Variants in SEC61B observed in about 807,000 individuals in gnomAD.
SEC61B encodes the protein protein transport protein Sec61 subunit beta.
A neutral mutation model predicts 12.6 loss-of-function variants in SEC61B; 7 were observed. The observed-to-expected ratio is 0.55, with a 90% confidence interval of 0.32 to 1.04. The LOEUF (loss-of-function observed/expected upper bound fraction) is 1.04. Among genes scored for constraint, SEC61B ranks in the 50% least tolerant of loss-of-function variants. The pLI, the probability that SEC61B is intolerant of heterozygous loss-of-function variation, is 0.05. For missense variants in SEC61B, 107 were observed against 130.1 expected, an observed-to-expected ratio of 0.82 and a Z score of 0.86; for synonymous variants, 54 against 50.1, an observed-to-expected ratio of 1.08 and a Z score of -0.33.
chr9:99,228,057 C>A, intron 3 of SEC61B, 57 bp downstream of exon 3: 1 of 1,326,330 alleles, frequency 7.5e-7, no homozygotes, highest in Non-Finnish European at 1.1e-6. Flanking sequence ...GCAGCAGTGG[C>A]AGCACTCTGT....
intron 2 of SEC61B, among the ~76,000 whole-genome samples, chr9:99,227,048 A>G (rs1359664481): frequency 2.0e-5 from 3 of 152,138 alleles, no homozygotes; most frequent in Non-Finnish European, 2.9e-5. Flanking sequence ...CAGGCAGATC[A>G]TGAGGTCAGG....
At chr9:99,226,842 G>A (rs745944769) in intron 2 of SEC61B, among the ~76,000 whole-genome samples, 4 of 152,164 alleles carry the variant, frequency 2.6e-5, no homozygotes, top group Non-Finnish European at 4.4e-5. Context: ...CCAGGGCTGC[G>A]TGTATTACAT....
chr9:99,226,987 GCCAGGTGCGGTGGCTTGCA>G lies in SEC61B; in HGVS notation c.102-909_102-891del, dbSNP rs1164704417. Among the ~76,000 whole-genome samples the G allele has an allele frequency of 2.0e-5, 3 of 152,072 alleles. No individual in the cohort carries two copies. In the East Asian group the frequency reaches 5.8e-4, roughly 29 times the overall value. On this transcript the variant is annotated intron_variant, in intron 2 of 3. Coordinates refer to ENST00000223641, the MANE Select transcript of SEC61B (RefSeq NM_006808.3). ...ACTATATTAAAATAGTGAAAACACG[GCCAGGTGCGGTGGCTTGCA>G]CCTGTAATCCCAGCACTTTGGGAGG...
Position 99,222,328 on chromosome 9 carries a change from C to T in SEC61B, c.-36C>T, listed in dbSNP as rs369769741. 12 of 1,614,124 alleles carry T rather than the reference C, an allele frequency of 7.4e-6. No homozygotes were observed. The South Asian group carries it at 1.2e-4, about 16-fold the overall frequency. ...TTCGGGGGCTCCGTAACTTTCTATC[C>T]GTCCGCGTCAGCGCCTTGCCACCCT... On this transcript the variant is annotated 5_prime_UTR_variant, in exon 1 of 4. Coordinates refer to ENST00000223641, the MANE Select transcript of SEC61B (RefSeq NM_006808.3).
Position 99,222,357 on chromosome 9 carries a change from C to T in SEC61B, c.-7C>T. ...CGCGTCAGCGCCTTGCCACCCTCAT[C>T]TCCAATATGGTATGGCGGCCCTTCC... On this transcript the variant is annotated 5_prime_UTR_variant, in exon 1 of 4. Transcript: ENST00000223641. The T allele has an allele frequency of 1.2e-6, 2 of 1,614,204 alleles. No homozygotes were observed. The highest frequency in any genetic ancestry group is 1.1e-5 in the South Asian group (1 of 91,084).
At position 99,227,954 on chromosome 9, in the gene SEC61B, G is replaced by C; in HGVS notation, c.157G>C (p.Gly53Arg). ...SAGRTTSAGT[G>R]GMWRFYTEDS... ...AGGCCGCACAACCTCGGCAGGCACC[G>C]GGGGGATGTGGCGATTCTACACAGA... Residue 53 changes from glycine to arginine, a missense_variant, in exon 3 of 4, where the codon GGG becomes CGG. Coordinates refer to ENST00000223641, the MANE Select transcript of SEC61B (RefSeq NM_006808.3). 1 of 1,613,374 alleles carries C rather than the reference G, an allele frequency of 6.2e-7. No individual in the cohort carries two copies.
chr9:99,224,419 C>T (rs1286743961), intron 2 of SEC61B, among the ~76,000 whole-genome samples: 1 of 152,030 alleles, frequency 6.6e-6, no homozygotes, highest in Non-Finnish European at 1.5e-5. Context: ...GGTGCGGTTC[C>T]TTGGGAATGG....
At position 99,227,863 on chromosome 9, in the gene SEC61B, A is replaced by T. The variant is rs372809516; in HGVS notation, c.102-36A>T. On this transcript the variant is annotated intron_variant, in intron 2 of 3. Coordinates refer to ENST00000223641, the MANE Select transcript of SEC61B (RefSeq NM_006808.3). ...TTATAATGCTATTCTAATAATTTCC[A>T]GAAAAGGCCATTTGTAACATTTTCC... 9 of 1,464,784 alleles carry T rather than the reference A, an allele frequency of 6.1e-6. No homozygotes were observed. The African/African-American group carries it at 1.1e-4, about 18-fold the overall frequency. 90.7% of individuals were successfully genotyped at this position (1,464,784 alleles called of 1,614,324 possible).
rs59719935 is a variant in SEC61B at position 99,227,265 on chromosome 9, CAAAAAAAAAAA to C, written c.102-618_102-608del. Among the ~76,000 whole-genome samples the C allele has an allele frequency of 2.8e-4, 3 of 10,740 alleles. No homozygotes were observed. The East Asian group carries it at 9.0e-3, about 32-fold the overall frequency. The allele number at this position is 10,740 out of a possible 152,430, so 7.0% of individuals were successfully genotyped here. On this transcript the variant is annotated intron_variant, in intron 2 of 3. Transcript: ENST00000223641. ...TGGGCAACAGAGCGAAACTCCATCTCAAAAAAAAAAAAAAAAAAAAAAAAAACAAACTAGTG... is the reference window on the plus strand; with the variant it reads ...TGGGCAACAGAGCGAAACTCCATCTCAAAAAAAAAAAAAAACAAACTAGTG...
intron 1 of SEC61B, 75 bp from the exon 2 acceptor site, chr9:99,222,471 G>C: frequency 6.2e-7 from 1 of 1,601,716 alleles, no homozygotes; most frequent in Non-Finnish European, 8.6e-7. Context: ...CCAGCCTCGG[G>C]TGTGGGTGTC....
chr9:99,227,160 G>C (rs542714193), intron 2 of SEC61B, among the ~76,000 whole-genome samples: 2 of 151,694 alleles, frequency 1.3e-5, no homozygotes, highest in African/African-American at 4.8e-5. Flanking sequence ...CAGCTAAGCA[G>C]GAGGCTGAGG....
At chr9:99,227,583 A>G (rs1013026831) in intron 2 of SEC61B, among the ~76,000 whole-genome samples, 2 of 152,188 alleles carry the variant, frequency 1.3e-5, no homozygotes, top group Admixed American at 6.5e-5. Context: ...CCAGGGTCAG[A>G]GCTAGGTTCA....
intron 2 of SEC61B, among the ~76,000 whole-genome samples, chr9:99,226,823 T>C (rs1247741822): frequency 6.6e-6 from 1 of 152,174 alleles, no homozygotes; most frequent in Non-Finnish European, 1.5e-5. Flanking sequence ...GCTAGGCTGC[T>C]TCTGTCTGCC....
chr9:99,227,851 C>T lies in SEC61B; in HGVS notation c.102-48C>T, dbSNP rs576164208. 1.1e-3 allele frequency: 1,518 copies of T among 1,323,832 alleles called. 28 individuals carry two copies. The South Asian group carries it at 0.018, about 15-fold the overall frequency. 82.0% of individuals were successfully genotyped at this position (1,323,832 alleles called of 1,614,324 possible). A position where few individuals can be genotyped will look rare whatever the true frequency, so the allele number is the denominator to read the frequency against. ...TGGTAGCATATGTTATAATGCTATT[C>T]TAATAATTTCCAGAAAAGGCCATTT... is the stretch of plus-strand genomic sequence containing the variant. On this transcript the variant is annotated intron_variant, in intron 2 of 3. Transcript: ENST00000223641.
intron 3 of SEC61B, among the ~76,000 whole-genome samples, chr9:99,229,042 T>C (rs1828930771): frequency 6.6e-6 from 1 of 152,168 alleles, no homozygotes; most frequent in Non-Finnish European, 1.5e-5. Flanking sequence ...CTTTACAAAT[T>C]TGTAAAGTTT....
chr9:99,228,587 G>A (rs989102741), intron 3 of SEC61B, among the ~76,000 whole-genome samples: 3 of 152,222 alleles, frequency 2.0e-5, no homozygotes, highest in African/African-American at 7.2e-5. Flanking sequence ...CTGTCCCCAT[G>A]CCTTGCTCAG....
chr9:99,225,004 A>G (rs533507921), intron 2 of SEC61B, among the ~76,000 whole-genome samples: 1 of 152,350 alleles, frequency 6.6e-6, no homozygotes, highest in Admixed American at 6.5e-5. Context: ...ACTTGCTGTG[A>G]GGAGCAATAA....
At chr9:99,228,509 T>A (rs1828925723) in intron 3 of SEC61B, among the ~76,000 whole-genome samples, 1 of 152,166 alleles carries the variant, frequency 6.6e-6, no homozygotes, top group Non-Finnish European at 1.5e-5. Flanking sequence ...GAACATGTAA[T>A]ACCACTTTCC....
intron 3 of SEC61B, among the ~76,000 whole-genome samples, 168 bp downstream of exon 3, chr9:99,228,168 T>C (rs1828920799): frequency 6.6e-6 from 1 of 152,206 alleles, no homozygotes; most frequent in Admixed American, 6.5e-5. Context: ...ATCAACCGAT[T>C]AGGCATTGTA....
Sources: gnomAD v4.1 joint callset for allele counts (sites outside exome capture counted in the v4.1 genomes callset) on GRCh38, gnomAD v4.1.1 for gene constraint, MANE v1.5 for transcripts, NCBI Gene and HGNC (gene_info 2026-07-23, HGNC 2026-07-21) for gene names.